Variants in DDX31 observed in about 807,000 individuals in gnomAD.
DDX31 encodes the protein DEAD-box helicase 31.
A neutral mutation model predicts 91.3 loss-of-function variants in DDX31; 70 were observed. The observed-to-expected ratio is 0.77, with a 90% CI of 0.63 to 0.94. The LOEUF (loss-of-function observed/expected upper bound fraction) is 0.94. Ranked by LOEUF, DDX31 falls within the 40% of genes least tolerant of loss-of-function variation. The probability of loss-of-function intolerance (pLI) is 0.00; values close to 1 mark genes in which losing one functional copy is unlikely to be tolerated. For missense variants in DDX31, 902 were observed against 925.0 expected (o/e 0.98, Z 0.32); for synonymous variants, 362 against 350.6 (o/e 1.03, Z -0.36).
At chr9:132,618,487 A>G in intron 17 of DDX31, 46 bp from the exon 18 acceptor site, 1 of 1,533,700 alleles carries the variant, frequency 6.5e-7, no homozygotes, top group Non-Finnish European at 8.9e-7. Flanking sequence ...AGTCAAGGTC[A>G]GGAATAATGA....
intron 9 of DDX31, among the ~76,000 whole-genome samples, chr9:132,649,020 G>C (rs1238315699): frequency 1.3e-5 from 2 of 152,066 alleles, no homozygotes; most frequent in Admixed American, 6.5e-5. Flanking sequence ...TGTCCCATGG[G>C]TTATATACAA....
chr9:132,646,736 T>C, intron 12 of DDX31, 87 bp downstream of exon 12: 1 of 1,279,368 alleles, frequency 7.8e-7, no homozygotes, highest in Non-Finnish European at 1.1e-6. Context: ...TGATTTTTGG[T>C]GTCTCAACTC....
At chr9:132,620,589 GA>G (rs150744329) in intron 17 of DDX31, among the ~76,000 whole-genome samples, 3,837 of 149,438 alleles carry the variant, frequency 0.026, 167 homozygotes, top group African/African-American at 0.087. Context: ...CAATACTTAG[GA>G]AAAAAAAAAT....
At chr9:132,606,481 C>T (rs1000002535) in intron 19 of DDX31, among the ~76,000 whole-genome samples, 4 of 152,130 alleles carry the variant, frequency 2.6e-5, no homozygotes, top group African/African-American at 7.2e-5. Flanking sequence ...CTCTCGGTTC[C>T]GCGGGTACTC....
intron 19 of DDX31, among the ~76,000 whole-genome samples, chr9:132,608,203 T>C (rs1042875789): frequency 3.3e-5 from 5 of 152,252 alleles, no homozygotes; most frequent in Admixed American, 2.0e-4. Flanking sequence ...CAGCACCAAC[T>C]ATCTGTGTAT....
intron 17 of DDX31, among the ~76,000 whole-genome samples, chr9:132,622,287 G>C (rs1832075321): frequency 6.6e-6 from 1 of 152,186 alleles, no homozygotes; most frequent in Non-Finnish European, 1.5e-5. Flanking sequence ...TCTGGGACCT[G>C]GCTCTTACTC....
intron 18 of DDX31, among the ~76,000 whole-genome samples, chr9:132,613,079 A>C (rs1414408349): frequency 6.6e-6 from 1 of 152,066 alleles, no homozygotes; most frequent in East Asian, 1.9e-4. Context: ...ACAGGGTTTC[A>C]CTATGTTGCC....
At chr9:132,629,864 T>C (rs997675299) in intron 16 of DDX31, among the ~76,000 whole-genome samples, 2 of 152,132 alleles carry the variant, frequency 1.3e-5, no homozygotes, top group Non-Finnish European at 2.9e-5. Context: ...GGGAGGGAAA[T>C]TGTGTGATGA....
In DDX31 at chr9:132,661,235, G is replaced by T; in HGVS notation, c.425C>A (p.Thr142Lys). The T allele has an allele frequency of 6.2e-7, 1 of 1,606,296 alleles. No individual in the cohort carries two copies. The highest frequency in any genetic ancestry group is 8.5e-7 in the Non-Finnish European group (1 of 1,175,560). ...LHPHLISTIN[T>K]VLKMSSMTSV... ...GGTCATACTAGACATTTTTAAGACC[G>T]TATTTATTGTGGAAATCTAAAAGAG... Residue 142 changes from threonine to lysine, a missense_variant, in exon 4 of 20, where the codon ACG becomes AAG. Physicochemically the swap from Thr to Lys is moderately conservative, Grantham distance 78. Transcript: ENST00000372159.
At chr9:132,659,453 T>C (rs1313902403) in intron 5 of DDX31, among the ~76,000 whole-genome samples, 1 of 152,206 alleles carries the variant, frequency 6.6e-6, no homozygotes, top group Non-Finnish European at 1.5e-5. Context: ...CACACCTTGG[T>C]AAAGCCCCGA....
rs747292132 is a variant in DDX31 at position 132,659,771 on chromosome 9, C to T, written c.462G>A (p.Lys154=). ...LKMSSMTSVQ[K]QSIPVLLEGR... ...CTTCCAGCAACACAGGAATACTTTG[C>T]TTCTGAACACTGGGCCACCCGAAAA... The change falls in exon 5 of 20, where the codon AAG becomes AAA. Residue 154 remains lysine (K), a synonymous_variant. Transcript: ENST00000372159. 6.2e-7 allele frequency: 1 copy of T among 1,613,214 alleles called. No homozygotes were observed.
intron 1 of DDX31, among the ~76,000 whole-genome samples, chr9:132,668,300 C>A (rs947029932): frequency 2.0e-5 from 3 of 152,180 alleles, no homozygotes; most frequent in African/African-American, 7.2e-5. Context: ...CCCTCTCTAG[C>A]AATGGGATTA....
At chr9:132,606,682 G>A (rs891609955) in intron 19 of DDX31, among the ~76,000 whole-genome samples, 1 of 152,166 alleles carries the variant, frequency 6.6e-6, no homozygotes, top group African/African-American at 2.4e-5. Flanking sequence ...CAGAGACGCT[G>A]AGTGACTTGT....
At chr9:132,664,900 C>T (rs1323615046) in intron 1 of DDX31, among the ~76,000 whole-genome samples, 2 of 152,052 alleles carry the variant, frequency 1.3e-5, no homozygotes, top group East Asian at 3.9e-4. Context: ...CTCCACTCTG[C>T]CCTCTGGCTG....
At chr9:132,662,806 A>C in intron 1 of DDX31, 111 bp from the exon 2 acceptor site, 1 of 1,370,644 alleles carries the variant, frequency 7.3e-7, no homozygotes, top group Non-Finnish European at 1.0e-6. Context: ...TGCAGAGATC[A>C]TTATGCCCCA....
chr9:132,648,702 A>G (rs1379036985), intron 9 of DDX31, 151 bp from the exon 10 acceptor site: 1 of 858,962 alleles, frequency 1.2e-6, no homozygotes, highest in East Asian at 2.8e-5. Context: ...AAAACTGGGT[A>G]GAAAGCTGTA....
chr9:132,638,396 A>G, intron 14 of DDX31: 1 of 1,614,128 alleles, frequency 6.2e-7, no homozygotes, highest in Non-Finnish European at 8.5e-7. Flanking sequence ...TTTTGCAGAT[A>G]ATCCAGTGTC....
intron 16 of DDX31, among the ~76,000 whole-genome samples, chr9:132,628,200 TCCAGGC>T (rs1832513453): frequency 6.6e-6 from 1 of 152,242 alleles, no homozygotes; most frequent in African/African-American, 2.4e-5. Flanking sequence ...GCAGCAGCAG[TCCAGGC>T]CCAGGCCCCT....
In DDX31 at chr9:132,631,926, G is replaced by T. The variant is rs930234621; in HGVS notation, c.1491+115C>A. 7 of 951,132 alleles carry T rather than the reference G, an allele frequency of 7.4e-6. No individual in the cohort carries two copies. In the South Asian group the frequency reaches 1.0e-4, roughly 14 times the overall value. The allele number at this position is 951,132 out of a possible 1,614,324, so 58.9% of individuals were successfully genotyped here. On this transcript the variant is annotated intron_variant, in intron 15 of 19. Transcript: ENST00000372159. The stretch of plus-strand genomic sequence containing the variant: ...ACAGATAAGGCTGGTTTGCTGCCTG[G>T]TTACCAGGGCAACACCCAAGAGGAT...
Sources: allele counts gnomAD v4.1 joint callset (sites outside exome capture counted in the v4.1 genomes callset), GRCh38; gene constraint gnomAD v4.1.1; transcripts MANE v1.5; gene names NCBI Gene and HGNC (gene_info 2026-07-23, HGNC 2026-07-21).